ROCK2: variants seen among roughly 807,000 people sequenced by gnomAD.
The protein encoded by ROCK2 is Rho associated coiled-coil containing protein kinase 2.
A neutral mutation model predicts 195.1 loss-of-function variants in ROCK2; 61 were observed. The ratio of observed to expected loss-of-function variants is 0.31; its 90% CI spans 0.25 to 0.39. The LOEUF (loss-of-function observed/expected upper bound fraction) is 0.39. ROCK2 is among the 10% of genes least tolerant of loss of function. The probability of loss-of-function intolerance (pLI) is 1.00; values close to 1 mark genes in which losing one functional copy is unlikely to be tolerated. For missense variants in ROCK2, 1,109 were observed against 1,637.4 expected (o/e 0.68, Z 5.57); for synonymous variants, 504 against 545.5 (o/e 0.92, Z 1.06).
At position 11,180,764 on chromosome 2, in the gene ROCK2, C is replaced by T. The variant is rs574134136; in HGVS notation, c.*2673G>A. ...CCTCAAGAAAAACGAGAAACGAGCA[C>T]AAAATCAGGTTGTTTTATATTTAAT... On this transcript the variant is annotated 3_prime_UTR_variant, in exon 33 of 33. Transcript: ENST00000315872. 46 of 152,208 alleles carry T rather than the reference C, an allele frequency of 3.0e-4. No homozygotes were observed. The highest frequency in any genetic ancestry group is 1.1e-3 in the African/African-American group (46 of 41,514). 9.4% of individuals were successfully genotyped at this position (152,208 alleles called of 1,614,324 possible). A position where few individuals can be genotyped will look rare whatever the true frequency, so the allele number is the denominator to read the frequency against.
chr2:11,307,258 T>C (rs560498534), intron 1 of ROCK2, among the ~76,000 whole-genome samples: 1 of 152,234 alleles, frequency 6.6e-6, no homozygotes, highest in Non-Finnish European at 1.5e-5. Context: ...TACCAGGTAA[T>C]GAAGCTGACC....
At chr2:11,245,401 G>T (rs1451242323) in intron 4 of ROCK2, among the ~76,000 whole-genome samples, 2 of 151,934 alleles carry the variant, frequency 1.3e-5, no homozygotes, top group African/African-American at 4.8e-5. Context: ...TCTCAAGCAT[G>T]CAACTAGTAA....
chr2:11,228,390 C>T (rs868786920), intron 5 of ROCK2, among the ~76,000 whole-genome samples: 23 of 152,122 alleles, frequency 1.5e-4, no homozygotes, highest in Admixed American at 3.3e-4. Flanking sequence ...TTCATTCATT[C>T]TCAAATTGGC....
chr2:11,304,485 CA>C (rs1275928415), intron 1 of ROCK2, among the ~76,000 whole-genome samples: 1 of 152,218 alleles, frequency 6.6e-6, no homozygotes, highest in East Asian at 1.9e-4. Flanking sequence ...ACCACCTTTA[CA>C]AATCACCAAC....
chr2:11,309,315 G>A (rs1667961028), intron 1 of ROCK2, among the ~76,000 whole-genome samples: 1 of 152,140 alleles, frequency 6.6e-6, no homozygotes. Flanking sequence ...TAAGGGACTT[G>A]AGCAAGGATG....
In ROCK2 at chr2:11,183,300, C is replaced by T. The variant is rs1663072475; in HGVS notation, c.*137G>A. On this transcript the variant is annotated 3_prime_UTR_variant, in exon 33 of 33. Coordinates refer to ENST00000315872, the MANE Select transcript of ROCK2 (RefSeq NM_004850.5). ...TTATATTACAGGGAAAAGGGGAACA[C>T]ATATATGTATGAGTGTATGTATCAG... is the stretch of plus-strand genomic sequence containing the variant. The T allele has an allele frequency of 1.0e-5, 6 of 593,828 alleles. No individual in the cohort carries two copies. The highest frequency in any genetic ancestry group is 8.8e-6 in the Non-Finnish European group (3 of 342,692). 36.8% of individuals were successfully genotyped at this position (593,828 alleles called of 1,614,324 possible).
chr2:11,275,212 G>A (rs900862687), intron 3 of ROCK2, among the ~76,000 whole-genome samples: 3 of 151,144 alleles, frequency 2.0e-5, no homozygotes, highest in Non-Finnish European at 2.9e-5. Context: ...AGCCGTAATC[G>A]TGCCATTGCA....
chr2:11,256,277 G>A (rs574173153), intron 3 of ROCK2, among the ~76,000 whole-genome samples: 8 of 151,280 alleles, frequency 5.3e-5, no homozygotes, highest in Admixed American at 2.0e-4. Context: ...ACTGGATCAC[G>A]GGGAGGGACT....
intron 32 of ROCK2, chr2:11,184,793 T>C: frequency 1.0e-6 from 1 of 975,886 alleles, no homozygotes; most frequent in Non-Finnish European, 1.2e-6. Flanking sequence ...TTTGTAAATT[T>C]ATACTCTAAC....
intron 27 of ROCK2, among the ~76,000 whole-genome samples, chr2:11,195,880 C>T (rs1663615723): frequency 6.6e-6 from 1 of 152,122 alleles, no homozygotes. Context: ...TTTCTAAATT[C>T]CAAAATATCA....
chr2:11,298,602 G>A (rs1185823120), intron 1 of ROCK2, among the ~76,000 whole-genome samples: 1 of 151,762 alleles, frequency 6.6e-6, no homozygotes, highest in East Asian at 1.9e-4. Context: ...GAGGACATAT[G>A]AGTAGGAAAC....
Position 11,192,094 on chromosome 2 carries a change from G to T in ROCK2, c.4163+54C>A. 1 of 1,307,488 alleles carries T rather than the reference G, an allele frequency of 7.6e-7. No homozygotes were observed. The highest frequency in any genetic ancestry group is 1.1e-6 in the Non-Finnish European group (1 of 940,088). 81.0% of individuals were successfully genotyped at this position (1,307,488 alleles called of 1,614,324 possible). On this transcript the variant is annotated intron_variant, in intron 32 of 32. Coordinates refer to ENST00000315872, the MANE Select transcript of ROCK2 (RefSeq NM_004850.5). This position sits in a 1 kb window ranked among gnomAD's most constrained non-coding sequence, Gnocchi z 5.0. Reference sequence around the variant, plus strand: ...AAAATTTGTAGTTTGAACATAAATAGCAAAATATTTTAATAGACTTTTTTT... The same window carrying T: ...AAAATTTGTAGTTTGAACATAAATATCAAAATATTTTAATAGACTTTTTTT...
At chr2:11,339,427 T>C (rs1669034854) in intron 1 of ROCK2, among the ~76,000 whole-genome samples, 2 of 151,670 alleles carry the variant, frequency 1.3e-5, no homozygotes, top group South Asian at 2.1e-4. Flanking sequence ...CTGAACATAG[T>C]ATATCTTAAA....
chr2:11,262,252 CAAAG>C (rs1666253493), intron 3 of ROCK2, among the ~76,000 whole-genome samples: 1 of 151,484 alleles, frequency 6.6e-6, no homozygotes, highest in Non-Finnish European at 1.5e-5. Context: ...TGAAAAAAAA[CAAAG>C]AACAAAAAAA....
Position 11,180,320 on chromosome 2 carries a change from T to C in ROCK2, c.*3117A>G, listed in dbSNP as rs1662932542. 1 of 152,184 alleles carries C rather than the reference T, an allele frequency of 6.6e-6. No homozygotes were observed. The highest frequency in any genetic ancestry group is 1.5e-5 in the Non-Finnish European group (1 of 68,036). 9.4% of individuals were successfully genotyped at this position (152,184 alleles called of 1,614,324 possible). On this transcript the variant is annotated 3_prime_UTR_variant, in exon 33 of 33. Transcript: ENST00000315872. ...CTAGAGTATTTCTGTTTAAGATCTA[T>C]ATATAAATGGATGCAAAATAGATAC...
rs765702766 is a variant in ROCK2 at position 11,222,133 on chromosome 2, T to G, written c.1049A>C (p.Gln350Pro). The part of the protein sequence containing the change: ...LGRNGVEEIR[Q>P]HPFFKNDQWH... ...CTGATCATTCTTAAAGAAAGGATGC[T>G]GTCTGATTTCTTCCACCCCATTTCT... is the stretch of plus-strand genomic sequence containing the variant. Residue 350 changes from glutamine (Q) to proline (P), a missense_variant, in exon 8 of 33, where the codon CAG (glutamine) becomes CCG (proline). Coordinates refer to ENST00000315872, the MANE Select transcript of ROCK2 (RefSeq NM_004850.5). 4.0e-5 allele frequency: 65 copies of G among 1,611,306 alleles called. No homozygotes were observed. The highest frequency in any genetic ancestry group is 5.3e-5 in the Non-Finnish European group (63 of 1,178,010).
At chr2:11,306,836 ATACC>A (rs1181337069) in intron 1 of ROCK2, among the ~76,000 whole-genome samples, 6 of 152,210 alleles carry the variant, frequency 3.9e-5, no homozygotes, top group Admixed American at 6.5e-5. Flanking sequence ...CAGCAAGAAA[ATACC>A]TACCAACACC....
chr2:11,222,380 C>T (rs1664664925), intron 7 of ROCK2, among the ~76,000 whole-genome samples: 2 of 152,022 alleles, frequency 1.3e-5, no homozygotes, highest in African/African-American at 4.8e-5. Flanking sequence ...CTGTAATGCA[C>T]AATAAATGTC....
At chr2:11,277,136 T>C (rs1666853055) in intron 3 of ROCK2, among the ~76,000 whole-genome samples, 1 of 152,196 alleles carries the variant, frequency 6.6e-6, no homozygotes, top group African/African-American at 2.4e-5. Flanking sequence ...TAAAGCAATA[T>C]TCATACATTA....
Sources: gnomAD v4.1 joint callset for allele counts (sites outside exome capture counted in the v4.1 genomes callset) on GRCh38, gnomAD v4.1.1 for gene constraint, Gnocchi (gnomAD v3.1) non-coding constraint, MANE v1.5 for transcripts, NCBI Gene and HGNC (gene_info 2026-07-23, HGNC 2026-07-21) for gene names.